CR1: variants seen among roughly 807,000 people sequenced by gnomAD.
The protein encoded by CR1 is complement receptor type 1.
CR1 carries 116 observed loss-of-function variants against 187.3 expected under a neutral mutation model. The ratio of observed to expected loss-of-function variants is 0.62; its 90% CI spans 0.53 to 0.72. CR1 has a LOEUF of 0.72. Ranked by LOEUF, CR1 falls within the 30% of genes least tolerant of loss-of-function variation. CR1 has a pLI of 0.00. For missense variants in CR1, 1,731 were observed against 2,110.7 expected, an observed-to-expected ratio of 0.82 and a Z score of 3.52; for synonymous variants, 576 against 747.1, an observed-to-expected ratio of 0.77 and a Z score of 3.73.
intron 1 of CR1, among the ~76,000 whole-genome samples, chr1:207,497,023 C>T (rs1388531733): frequency 1.4e-4 from 22 of 152,268 alleles, no homozygotes; most frequent in African/African-American, 4.8e-4. Context: ...ACAACTGCCC[C>T]GCATGGAACT....
intron 45 of CR1, among the ~76,000 whole-genome samples, chr1:207,623,282 CAA>C (rs67144627): frequency 9.9e-5 from 15 of 151,816 alleles, no homozygotes; most frequent in Admixed American, 3.3e-4. Context: ...ATAATAATAA[CAA>C]AAAAAAAGAC....
At chr1:207,623,380 G>A (rs560137310) in intron 45 of CR1, among the ~76,000 whole-genome samples, 11 of 152,198 alleles carry the variant, frequency 7.2e-5, no homozygotes, top group African/African-American at 2.2e-4. Flanking sequence ...CCAGGGGTTC[G>A]AGACCAACTT....
intron 41 of CR1, 78 bp from the exon 42 acceptor site, chr1:207,617,993 T>C: frequency 1.4e-6 from 2 of 1,469,874 alleles, no homozygotes; most frequent in Non-Finnish European, 1.8e-6. Flanking sequence ...GCCAGAGATA[T>C]TGGATGTGTT....
intron 4 of CR1, among the ~76,000 whole-genome samples, chr1:207,518,588 T>C (rs964054271): frequency 1.3e-5 from 2 of 152,202 alleles, no homozygotes; most frequent in African/African-American, 2.4e-5. Flanking sequence ...ATAGGATTGG[T>C]TCCATCTGCA....
At position 207,496,227 on chromosome 1, in the gene CR1, T is replaced by C. The variant is rs199932175; in HGVS notation, c.-41T>C. 292 of 1,613,492 alleles carry C rather than the reference T, an allele frequency of 1.8e-4. No homozygotes were observed. The highest frequency in any genetic ancestry group is 2.4e-4 in the Non-Finnish European group (284 of 1,179,732). ...TGAGCTTTTCCTCTTATTTCAGTTT[T>C]CTTCGAGATCAAATCTGGTTTGTAG... On this transcript the variant is annotated 5_prime_UTR_variant, in exon 1 of 47. Coordinates refer to ENST00000367049, the MANE Select transcript of CR1 (RefSeq NM_000651.6).
chr1:207,586,304 A>G (rs1661110239), intron 33 of CR1, among the ~76,000 whole-genome samples: 1 of 152,060 alleles, frequency 6.6e-6, no homozygotes, highest in Admixed American at 6.6e-5. Flanking sequence ...CACCCAGCTA[A>G]TTCTTGTATT....
Position 207,609,287 on chromosome 1 carries a change from C to A in CR1, c.5897-3C>A, listed in dbSNP as rs771853175. ...TGTTTTACCATACTCTTCCTTCTCT[C>A]AGTCATATCTTGTGAGCCACCTCCA... On this transcript the variant is annotated splice_polypyrimidine_tract_variant and splice_region_variant and intron_variant, in intron 36 of 46. Transcript: ENST00000367049. The A allele has an allele frequency of 3.2e-6, 5 of 1,586,494 alleles. No individual in the cohort carries two copies. Among genetic ancestry groups the A allele is most frequent in the Non-Finnish European group, 4.3e-6 (5 of 1,164,090 alleles).
intron 3 of CR1, among the ~76,000 whole-genome samples, chr1:207,509,331 C>T (rs1447142554): frequency 6.6e-6 from 1 of 152,104 alleles, no homozygotes. Context: ...TCTCTCTTCC[C>T]CAGGAGATCC....
intron 4 of CR1, among the ~76,000 whole-genome samples, chr1:207,520,372 G>A (rs1659938215): frequency 6.6e-6 from 1 of 152,206 alleles, no homozygotes; most frequent in Non-Finnish European, 1.5e-5. Context: ...CCTCTCAGTC[G>A]CAGCACGACT....
Position 207,568,223 on chromosome 1 carries a change from A to T in CR1, c.4171+181A>T, listed in dbSNP as rs368669970. Among the ~76,000 whole-genome samples, 355 of 147,346 alleles carry T rather than the reference A, an allele frequency of 2.4e-3. 3 individuals carry two copies. The highest frequency in any genetic ancestry group is 0.014 in the East Asian group (73 of 5,088). On this transcript the variant is annotated intron_variant, in intron 25 of 46. Coordinates refer to ENST00000367049, the MANE Select transcript of CR1 (RefSeq NM_000651.6). ...CATAAGATCCTGATGACCTTTGCAGATGGAGGGACTGATGAAAAAAGAGGG... is the reference window on the plus strand; with the variant it reads ...CATAAGATCCTGATGACCTTTGCAGTTGGAGGGACTGATGAAAAAAGAGGG...
At chr1:207,599,112 A>G (rs995228532) in intron 35 of CR1, 2 of 152,344 alleles carry the variant, frequency 1.3e-5, no homozygotes, top group Non-Finnish European at 2.9e-5. Flanking sequence ...ATTAGGTAAA[A>G]CCGAGAGAAA....
chr1:207,577,672 A>C, intron 28 of CR1, 133 bp from the exon 29 acceptor site: 1 of 1,389,312 alleles, frequency 7.2e-7, no homozygotes, highest in Non-Finnish European at 9.9e-7. Context: ...CGGGAGGTTG[A>C]GGTGGGAGGA....
intron 35 of CR1, among the ~76,000 whole-genome samples, chr1:207,605,531 T>C (rs942960691): frequency 5.3e-5 from 8 of 152,192 alleles, no homozygotes; most frequent in Non-Finnish European, 8.8e-5. Flanking sequence ...CTGTGTTTTT[T>C]TCAGCCATAC....
chr1:207,637,043 G>C (rs114739935), intron 46 of CR1, among the ~76,000 whole-genome samples: 1 of 152,184 alleles, frequency 6.6e-6, no homozygotes, highest in Non-Finnish European at 1.5e-5. Flanking sequence ...TTACGATCTC[G>C]TTTCTAAAGT....
intron 1 of CR1, among the ~76,000 whole-genome samples, chr1:207,501,485 A>T (rs1462334404): frequency 6.6e-6 from 1 of 152,186 alleles, no homozygotes; most frequent in Non-Finnish European, 1.5e-5. Flanking sequence ...TTGTCATAGG[A>T]ACTAGTCACA....
At position 207,630,523 on chromosome 1, in the gene CR1, T is replaced by A. The variant is rs759984264; in HGVS notation, c.7359T>A (p.Asn2453Lys). ...WIILKHRKGN[N>K]AHENPKEVAI... ...TTTTTTCTCTGCCAATTAGCAATAA[T>A]GCACATGAAAACCCTAAAGAAGTGG... Residue 2453 changes from asparagine to lysine, a missense_variant, in exon 46 of 47, where the codon AAT becomes AAA. Around this residue, in one of 5 missense-constraint regions of CR1, gnomAD observed 1,312 missense variants for 1,379.6 expected, o/e 0.95. Coordinates refer to ENST00000367049, the MANE Select transcript of CR1 (RefSeq NM_000651.6). The A allele has an allele frequency of 6.3e-7, 1 of 1,599,220 alleles. No individual in the cohort carries two copies. The highest frequency in any genetic ancestry group is 1.1e-5 in the South Asian group (1 of 87,688).
chr1:207,525,225 A>G (rs1239359964), intron 5 of CR1, among the ~76,000 whole-genome samples: 3 of 151,902 alleles, frequency 2.0e-5, no homozygotes, highest in Non-Finnish European at 4.4e-5. Flanking sequence ...GGGAATTACC[A>G]TTTGACATGA....
At chr1:207,500,393 A>T (rs1159095645) in intron 1 of CR1, among the ~76,000 whole-genome samples, 1 of 152,222 alleles carries the variant, frequency 6.6e-6, no homozygotes, top group African/African-American at 2.4e-5. Context: ...TTAAAGGGTA[A>T]GTATGCAGAA....
At chr1:207,614,958 G>A (rs1223369572) in intron 40 of CR1, among the ~76,000 whole-genome samples, 1 of 151,976 alleles carries the variant, frequency 6.6e-6, no homozygotes, top group Non-Finnish European at 1.5e-5. Flanking sequence ...ACAGGTGCAT[G>A]CCACCACACC....
Sources: allele counts gnomAD v4.1 joint callset (sites outside exome capture counted in the v4.1 genomes callset), GRCh38; gene constraint gnomAD v4.1.1; regional missense constraint gnomAD v4.1.1; transcripts MANE v1.5; gene names NCBI Gene and HGNC (gene_info 2026-07-23, HGNC 2026-07-21).